C8orf34: variants seen among roughly 807,000 people sequenced by gnomAD.
The protein encoded by C8orf34 is uncharacterized protein C8orf34.
A neutral mutation model predicts 68.3 loss-of-function variants in C8orf34; 65 were observed. That is an observed-to-expected ratio of 0.95 (90% CI 0.78 to 1.17). The LOEUF (loss-of-function observed/expected upper bound fraction) is 1.17, where lower values mean the gene tolerates loss of function less well. Among genes scored for constraint, C8orf34 ranks in the 50% most tolerant of loss-of-function variants. The pLI, the probability that C8orf34 is intolerant of heterozygous loss-of-function variation, is 0.00. For synonymous variants in C8orf34, 244 were observed against 241.2 expected (o/e 1.01, Z -0.11); for missense variants, 664 against 655.4 (o/e 1.01, Z -0.14).
intron 8 of C8orf34, among the ~76,000 whole-genome samples, chr8:68,671,762 T>C (rs1407304871): frequency 6.6e-6 from 1 of 152,196 alleles, no homozygotes; most frequent in East Asian, 1.9e-4. Flanking sequence ...AAAATTGTGG[T>C]TTATTTCTTA....
At chr8:68,770,563 C>A (rs1823310349) in intron 10 of C8orf34, among the ~76,000 whole-genome samples, 1 of 152,124 alleles carries the variant, frequency 6.6e-6, no homozygotes, top group Non-Finnish European at 1.5e-5. Context: ...TCCTTCTGTC[C>A]CTTTTCTTGT....
intron 3 of C8orf34, among the ~76,000 whole-genome samples, chr8:68,449,400 A>G (rs1454487295): frequency 6.6e-6 from 1 of 152,080 alleles, no homozygotes; most frequent in Non-Finnish European, 1.5e-5. Context: ...CATCATCCCA[A>G]AAGGAAATCA....
intron 7 of C8orf34, among the ~76,000 whole-genome samples, chr8:68,574,758 T>C (rs966309218): frequency 1.3e-5 from 2 of 152,040 alleles, no homozygotes; most frequent in African/African-American, 4.8e-5. Flanking sequence ...TTCTACTAGA[T>C]TTTATAGCTT....
At chr8:68,635,985 T>A (rs140294189) in intron 7 of C8orf34, among the ~76,000 whole-genome samples, 1 of 152,296 alleles carries the variant, frequency 6.6e-6, no homozygotes, top group East Asian at 1.9e-4. Flanking sequence ...TTAGCCACTA[T>A]CACTTGCATT....
At chr8:68,440,137 A>C (rs1479181640) in intron 2 of C8orf34, among the ~76,000 whole-genome samples, 1 of 152,116 alleles carries the variant, frequency 6.6e-6, no homozygotes, top group African/African-American at 2.4e-5. Context: ...TAGTTTTTCG[A>C]GTGTATCATA....
intron 7 of C8orf34, among the ~76,000 whole-genome samples, chr8:68,619,282 C>A (rs187869340): frequency 2.6e-5 from 4 of 152,112 alleles, no homozygotes; most frequent in African/African-American, 9.7e-5. Flanking sequence ...GCCAAGATCA[C>A]GCCACTGCAC....
intron 10 of C8orf34, among the ~76,000 whole-genome samples, chr8:68,734,578 A>G (rs969312320): frequency 6.6e-6 from 1 of 152,258 alleles, no homozygotes; most frequent in African/African-American, 2.4e-5. Flanking sequence ...TTCAGTTTCC[A>G]TTCCTGTCTT....
intron 9 of C8orf34, among the ~76,000 whole-genome samples, chr8:68,720,721 G>T (rs1376169123): frequency 6.6e-6 from 1 of 151,628 alleles, no homozygotes; most frequent in African/African-American, 2.4e-5. Flanking sequence ...ATAACCCATA[G>T]AAATCCTTGT....
At chr8:68,466,428 A>G (rs906766749) in intron 3 of C8orf34, among the ~76,000 whole-genome samples, 3 of 152,036 alleles carry the variant, frequency 2.0e-5, no homozygotes, top group Non-Finnish European at 4.4e-5. Context: ...TAATTAATTA[A>G]CATTGTTCAC....
chr8:68,567,793 C>G (rs980455361), intron 7 of C8orf34, among the ~76,000 whole-genome samples: 1 of 149,680 alleles, frequency 6.7e-6, no homozygotes, highest in African/African-American at 2.5e-5. Context: ...TTGCTTTCTT[C>G]TGCTGGGTTT....
Position 68,628,584 on chromosome 8 carries a change from A to G in C8orf34, c.1106-11792A>G, listed in dbSNP as rs16919096. 2.4e-3 allele frequency among the ~76,000 whole-genome samples: 364 copies of G among 152,296 alleles called. 2 individuals are homozygous for G. Among genetic ancestry groups the G allele is most frequent in the African/African-American group, 8.4e-3 (349 of 41,572 alleles). ...TCAGAATATATAACATCTGCTTAAAACCTTTGACCAAATCAGCTTTATTGA... is the reference window on the plus strand; with the variant it reads ...TCAGAATATATAACATCTGCTTAAAGCCTTTGACCAAATCAGCTTTATTGA... On this transcript the variant is annotated intron_variant, in intron 7 of 13. Coordinates refer to ENST00000518698, the MANE Select transcript of C8orf34 (RefSeq NM_052958.4).
chr8:68,614,122 T>A (rs1035958868), intron 7 of C8orf34, among the ~76,000 whole-genome samples: 2 of 152,224 alleles, frequency 1.3e-5, no homozygotes, highest in South Asian at 2.1e-4. Context: ...CTTCGCCCAC[T>A]TTTTGATGGG....
At chr8:68,421,953 G>T (rs1809994194) in intron 1 of C8orf34, among the ~76,000 whole-genome samples, 1 of 152,146 alleles carries the variant, frequency 6.6e-6, no homozygotes, top group Non-Finnish European at 1.5e-5. Context: ...AAAACCATCA[G>T]ATCTTTTGAG....
intron 9 of C8orf34, among the ~76,000 whole-genome samples, chr8:68,719,352 G>T (rs1004644076): frequency 7.9e-5 from 12 of 152,036 alleles, no homozygotes; most frequent in African/African-American, 2.2e-4. Context: ...GATCTTTCTG[G>T]ATATGGTACC....
At chr8:68,367,723 G>A (rs1234371382) in intron 1 of C8orf34, among the ~76,000 whole-genome samples, 1 of 140,910 alleles carries the variant, frequency 7.1e-6, no homozygotes, top group Non-Finnish European at 1.5e-5. Context: ...CACAAGAAAG[G>A]GAATACCACA....
In C8orf34 at chr8:68,708,996, T is replaced by C. The variant is rs1279934921; in HGVS notation, c.1244T>C (p.Leu415Pro). The C allele has an allele frequency of 6.2e-7, 1 of 1,600,604 alleles. No individual in the cohort carries two copies. Among genetic ancestry groups the C allele is most frequent in the East Asian group, 2.2e-5 (1 of 44,732 alleles). The change falls in exon 9 of 14, where the codon CTT becomes CCT. Residue 415 changes from leucine (L) to proline (P), a missense_variant and splice_region_variant. By Grantham distance (98) the Leu-to-Pro change is moderately conservative. Coordinates refer to ENST00000518698, the MANE Select transcript of C8orf34 (RefSeq NM_052958.4). ...TLNICSRCAR[L>P]QGDNLEERTE... ...AATGATCATTTTTAATTATTTAGGC[T>C]TCAAGGAGACAACCTGGAAGAAAGG...
intron 5 of C8orf34, among the ~76,000 whole-genome samples, chr8:68,500,709 A>G (rs1193089361): frequency 6.6e-6 from 1 of 152,206 alleles, no homozygotes; most frequent in East Asian, 1.9e-4. Flanking sequence ...GCAAAGTGTC[A>G]ACCAAAATAG....
At chr8:68,725,786 G>T (rs1028506277) in intron 10 of C8orf34, among the ~76,000 whole-genome samples, 1 of 152,164 alleles carries the variant, frequency 6.6e-6, no homozygotes, top group Admixed American at 6.5e-5. Context: ...GTTGGGATCC[G>T]TACAATTGGT....
Position 68,681,833 on chromosome 8 carries a change from A to G in C8orf34, c.1242-27161A>G, listed in dbSNP as rs551559156. Among the ~76,000 whole-genome samples the G allele has an allele frequency of 3.9e-5, 6 of 152,320 alleles. No homozygotes were observed. The East Asian group carries it at 1.2e-3, about 29-fold the overall frequency. On this transcript the variant is annotated intron_variant, in intron 8 of 13. Coordinates refer to ENST00000518698, the MANE Select transcript of C8orf34 (RefSeq NM_052958.4). The stretch of plus-strand genomic sequence containing the variant: ...GTACACAATGCAGTACTATTAAGCT[A>G]TAAAAAGGAATGAGAGCCAATCATC...
Sources: gnomAD v4.1 joint callset for allele counts (sites outside exome capture counted in the v4.1 genomes callset) on GRCh38, gnomAD v4.1.1 for gene constraint, MANE v1.5 for transcripts, NCBI Gene and HGNC (gene_info 2026-07-23, HGNC 2026-07-21) for gene names.